Variants in VPS8 observed in about 807,000 individuals in gnomAD.
The protein encoded by VPS8 is vacuolar protein sorting-associated protein 8 homolog.
Under a neutral mutation model 216.4 loss-of-function variants are expected in VPS8, and 129 were observed. The observed-to-expected ratio is 0.60, with a 90% confidence interval of 0.52 to 0.69. The LOEUF (loss-of-function observed/expected upper bound fraction) is 0.69, where lower values mean the gene tolerates loss of function less well. VPS8 is among the 30% of genes least tolerant of loss of function. The pLI is 0.00. For synonymous variants in VPS8, 571 were observed against 565.4 expected, an observed-to-expected ratio of 1.01 and a Z score of -0.14; for missense variants, 1,531 against 1,683.5, an observed-to-expected ratio of 0.91 and a Z score of 1.59.
Position 184,832,700 on chromosome 3 carries a change from A to G in VPS8, c.234A>G (p.Glu78=). The stretch of plus-strand genomic sequence containing the variant: ...TTCTTCCAATTTAGACTGATGATGA[A>G]GATGAGTCTTTTATTCTTGAGGATC... ...LESILNETDD[E]DESFILEDPT... The change falls in exon 4 of 48, where the codon GAA becomes GAG. Residue 78 remains glutamate, a synonymous_variant. Coordinates refer to ENST00000625842, the MANE Select transcript of VPS8 (RefSeq NM_001009921.3). 6.3e-7 allele frequency: 1 copy of G among 1,599,980 alleles called. No individual in the cohort carries two copies. Among genetic ancestry groups the G allele is most frequent in the Non-Finnish European group, 8.5e-7 (1 of 1,172,110 alleles).
chr3:184,892,119 T>TAA (rs1454388952), intron 22 of VPS8, among the ~76,000 whole-genome samples: 3 of 152,116 alleles, frequency 2.0e-5, no homozygotes, highest in African/African-American at 7.2e-5. Flanking sequence ...ATGGTAAACA[T>TAA]CAATTTTGAA....
At chr3:184,889,034 C>G (rs1234660155) in intron 22 of VPS8, among the ~76,000 whole-genome samples, 4 of 151,912 alleles carry the variant, frequency 2.6e-5, no homozygotes, top group Admixed American at 6.6e-5. Flanking sequence ...TTTGTTATTC[C>G]CTAAAATATT....
chr3:184,849,363 A>T, intron 9 of VPS8, 168 bp downstream of exon 9: 3 of 744,654 alleles, frequency 4.0e-6, no homozygotes, highest in African/African-American at 1.8e-5. Flanking sequence ...AATTTTACAT[A>T]ATTGTTATCG....
At chr3:185,041,949 A>G (rs913217796) in intron 46 of VPS8, among the ~76,000 whole-genome samples, 1 of 152,188 alleles carries the variant, frequency 6.6e-6, no homozygotes, top group African/African-American at 2.4e-5. Context: ...AGCAGAAGGG[A>G]AGGAGGAGGA....
At chr3:184,934,978 A>G (rs1741337481) in intron 34 of VPS8, among the ~76,000 whole-genome samples, 1 of 152,172 alleles carries the variant, frequency 6.6e-6, no homozygotes, top group African/African-American at 2.4e-5. Flanking sequence ...ATTTGACCCT[A>G]CAGTTTTTCA....
chr3:184,853,917 A>G lies in VPS8; in HGVS notation c.882A>G (p.Glu294=), dbSNP rs762518021. The part of the protein sequence containing the change: ...SRCLFSGSKG[E]VCCIEPLHSK... ...GTCTGTTCAGTGGTTCCAAGGGTGAAGTCTGCTGTATTGAGCCTCTGCATT... is the reference window on the plus strand; with the variant it reads ...GTCTGTTCAGTGGTTCCAAGGGTGAGGTCTGCTGTATTGAGCCTCTGCATT... The change falls in exon 12 of 48, where the codon GAA becomes GAG. Residue 294 remains glutamate, a synonymous_variant. Coordinates refer to ENST00000625842, the MANE Select transcript of VPS8 (RefSeq NM_001009921.3). The G allele has an allele frequency of 1.9e-6, 3 of 1,610,244 alleles. No homozygotes were observed. The African/African-American group carries it at 4.0e-5, about 22-fold the overall frequency.
intron 40 of VPS8, among the ~76,000 whole-genome samples, chr3:184,981,457 G>A (rs1487678302): frequency 1.5e-5 from 2 of 130,960 alleles, no homozygotes; most frequent in Admixed American, 8.6e-5. Flanking sequence ...TTTTGAGACC[G>A]AGTCTTGCTC....
intron 26 of VPS8, among the ~76,000 whole-genome samples, 162 bp from the exon 27 acceptor site, chr3:184,914,819 C>T (rs1229514918): frequency 6.6e-6 from 1 of 152,216 alleles, no homozygotes; most frequent in African/African-American, 2.4e-5. Flanking sequence ...ATTTTCTAAA[C>T]TGGGTGTCAT....
Position 184,913,377 on chromosome 3 carries a change from G to A in VPS8, c.2147-142G>A, listed in dbSNP as rs566592871. The A allele has an allele frequency of 2.3e-4, 146 of 634,840 alleles. 1 individual carries two copies. Among genetic ancestry groups the A allele is most frequent in the Non-Finnish European group, 3.0e-4 (108 of 365,666 alleles). 39.3% of individuals were successfully genotyped at this position (634,840 alleles called of 1,614,324 possible). ...TAATGGAAACTCAAAAGCCAATAAA[G>A]TGGTCTTAACTTCCTGTTATTTGGG... On this transcript the variant is annotated intron_variant, in intron 25 of 47. Transcript: ENST00000625842.
intron 36 of VPS8, among the ~76,000 whole-genome samples, chr3:184,945,374 AATG>A (rs1181000754): frequency 6.6e-6 from 1 of 151,990 alleles, no homozygotes; most frequent in Non-Finnish European, 1.5e-5. Flanking sequence ...TGGGAGATAA[AATG>A]ATGAATAAGA....
In VPS8 at chr3:184,934,498, A is replaced by G. The variant is rs574288743; in HGVS notation, c.2899-1748A>G. ...ATCCTTTGTTATACTTACTGTCACAACTTCATATTTTTAATGCTGTTGTTA... is the reference window on the plus strand; with the variant it reads ...ATCCTTTGTTATACTTACTGTCACAGCTTCATATTTTTAATGCTGTTGTTA... On this transcript the variant is annotated intron_variant, in intron 34 of 47. Transcript: ENST00000625842. 2.6e-5 allele frequency among the ~76,000 whole-genome samples: 4 copies of G among 152,278 alleles called. No homozygotes were observed. In the South Asian group the frequency reaches 6.2e-4, roughly 24 times the overall value.
At chr3:184,815,463 C>T (rs999718783) in intron 1 of VPS8, among the ~76,000 whole-genome samples, 4 of 152,160 alleles carry the variant, frequency 2.6e-5, no homozygotes, top group African/African-American at 9.7e-5. Context: ...TATATGTGGT[C>T]TGTCGTTGAC....
chr3:184,989,458 G>T (rs897311452), intron 42 of VPS8, among the ~76,000 whole-genome samples: 2 of 151,748 alleles, frequency 1.3e-5, no homozygotes, highest in Non-Finnish European at 1.5e-5. Context: ...GTGGAGAATG[G>T]GGTCTCACCG....
chr3:184,936,416 G>T lies in VPS8; in HGVS notation c.2988+81G>T. On this transcript the variant is annotated intron_variant, in intron 35 of 47. Transcript: ENST00000625842. Reference sequence around the variant, plus strand: ...AATCGTCACCTAAGAAGTTTTGATTGTAGTGATTTCTTCAGTTGACATTTA... The same window carrying T: ...AATCGTCACCTAAGAAGTTTTGATTTTAGTGATTTCTTCAGTTGACATTTA... 5.5e-6 allele frequency: 7 copies of T among 1,282,754 alleles called. No individual in the cohort carries two copies. In the South Asian group the frequency reaches 6.5e-5, roughly 12 times the overall value. 79.5% of individuals were successfully genotyped at this position (1,282,754 alleles called of 1,614,324 possible). A position where few individuals can be genotyped will look rare whatever the true frequency, so the allele number is the denominator to read the frequency against.
At chr3:184,854,238 C>T in intron 13 of VPS8, 65 bp downstream of exon 13, 1 of 1,540,460 alleles carries the variant, frequency 6.5e-7, no homozygotes. Flanking sequence ...AGAGAGATGG[C>T]TTGCAAGGGG....
At chr3:185,020,838 C>T (rs1435590713) in intron 45 of VPS8, among the ~76,000 whole-genome samples, 1 of 152,104 alleles carries the variant, frequency 6.6e-6, no homozygotes, top group East Asian at 1.9e-4. Flanking sequence ...TTTGGGAGGC[C>T]AAGGTGGGTG....
At chr3:184,930,434 G>T (rs772947935) in intron 33 of VPS8, 36 bp from the exon 34 acceptor site, 10 of 1,497,392 alleles carry the variant, frequency 6.7e-6, no homozygotes, top group Non-Finnish European at 9.3e-6. Flanking sequence ...TCTTGAGTGA[G>T]TGAATGAATA....
At chr3:184,950,243 T>TTTTTTTTTTTC (rs1166683070) in intron 36 of VPS8, among the ~76,000 whole-genome samples, 1 of 143,444 alleles carries the variant, frequency 7.0e-6, no homozygotes, top group Admixed American at 7.2e-5. Context: ...TTTTTTTTTT[T>TTTTTTTTTTTC]TACTCTAGCT....
At chr3:184,870,336 G>C (rs1460495450) in intron 20 of VPS8, among the ~76,000 whole-genome samples, 3 of 152,000 alleles carry the variant, frequency 2.0e-5, no homozygotes, top group African/African-American at 7.3e-5. Flanking sequence ...TTCCAAATTA[G>C]TATAAACATT....
Sources: allele counts gnomAD v4.1 joint callset (sites outside exome capture counted in the v4.1 genomes callset), GRCh38; gene constraint gnomAD v4.1.1; transcripts MANE v1.5; gene names NCBI Gene and HGNC (gene_info 2026-07-23, HGNC 2026-07-21).